Variants in CEP57 observed in about 807,000 individuals in gnomAD.
CEP57 encodes centrosomal protein 57.
A neutral mutation model predicts 68.0 loss-of-function variants in CEP57; 40 were observed. The observed-to-expected ratio is 0.59, with a 90% CI of 0.46 to 0.77. The LOEUF (loss-of-function observed/expected upper bound fraction) is 0.77, where lower values mean the gene tolerates loss of function less well. Among genes scored for constraint, CEP57 ranks in the 30% least tolerant of loss-of-function variants. The probability of loss-of-function intolerance (pLI) is 0.00; values close to 1 mark genes in which losing one functional copy is unlikely to be tolerated. For missense variants in CEP57, 606 were observed against 580.7 expected (o/e 1.04, Z -0.45); for synonymous variants, 219 against 198.7 (o/e 1.10, Z -0.86).
At position 95,817,830 on chromosome 11, in the gene CEP57, A is replaced by G; in HGVS notation, c.548A>G (p.Gln183Arg). 2 of 1,614,060 alleles carry G rather than the reference A, an allele frequency of 1.2e-6. No homozygotes were observed. The highest frequency in any genetic ancestry group is 1.7e-6 in the Non-Finnish European group (2 of 1,179,940). ...RERQHDQTHV[Q>R]SQLEKLDLLE... Reference sequence around the variant, plus strand: ...CGACAACATGATCAAACACATGTTCAGAGCCAACTTGAAAAATTGGATCTT... The same window carrying G: ...CGACAACATGATCAAACACATGTTCGGAGCCAACTTGAAAAATTGGATCTT... The change falls in exon 5 of 11, where the codon CAG becomes CGG. Residue 183 changes from glutamine (Q) to arginine (R), a missense_variant. Coordinates refer to ENST00000325542, the MANE Select transcript of CEP57 (RefSeq NM_014679.5).
At chr11:95,830,955 T>C in intron 10 of CEP57, 71 bp from the exon 11 acceptor site, 1 of 1,211,182 alleles carries the variant, frequency 8.3e-7, no homozygotes. Context: ...ACTCTTGTAC[T>C]TTTTGTTGTC....
rs569921493 is a variant in CEP57 at position 95,814,166 on chromosome 11, C to T, written c.504+577C>T. On this transcript the variant is annotated intron_variant, in intron 4 of 10. Transcript: ENST00000325542. ...CTCCTAGGCTCAGGTGATTCTCATG[C>T]CTCATCCTCCCGAGTAGCTGGGATT... Among the ~76,000 whole-genome samples the T allele has an allele frequency of 2.6e-4, 39 of 152,268 alleles. 1 individual carries two copies. In the East Asian group the frequency reaches 4.1e-3, roughly 16 times the overall value.
chr11:95,814,301 G>A (rs1862205377), intron 4 of CEP57, among the ~76,000 whole-genome samples: 2 of 151,616 alleles, frequency 1.3e-5, no homozygotes, highest in South Asian at 2.1e-4. Flanking sequence ...AGGCCGCCTC[G>A]GCCTCCCAAA....
intron 8 of CEP57, chr11:95,825,686 T>G (rs1862710244): frequency 6.7e-6 from 1 of 149,146 alleles, no homozygotes; most frequent in Non-Finnish European, 1.5e-5. Context: ...AACCTCTGCC[T>G]CCTGGGTTCA....
At chr11:95,811,520 G>T (rs1466098437) in intron 2 of CEP57, among the ~76,000 whole-genome samples, 1 of 151,192 alleles carries the variant, frequency 6.6e-6, no homozygotes, top group African/African-American at 2.4e-5. Flanking sequence ...CATGGCACAT[G>T]TATACATATG....
intron 2 of CEP57, 99 bp downstream of exon 2, chr11:95,799,487 T>G (rs1861484807): frequency 7.0e-7 from 1 of 1,427,084 alleles, no homozygotes; most frequent in Non-Finnish European, 9.8e-7. Flanking sequence ...GGAAAATATA[T>G]TTCCCCTTTG....
At chr11:95,818,946 C>G (rs375237035) in intron 6 of CEP57, 42 bp downstream of exon 6, 1 of 1,450,938 alleles carries the variant, frequency 6.9e-7, no homozygotes, top group Admixed American at 1.7e-5. Context: ...ATATTTCTTA[C>G]CGCTTTTTGT....
chr11:95,830,260 C>T (rs1862945867), intron 10 of CEP57, among the ~76,000 whole-genome samples: 1 of 152,138 alleles, frequency 6.6e-6, no homozygotes, highest in African/African-American at 2.4e-5. Flanking sequence ...GCCCAAGTAC[C>T]AGCTTACTGG....
At chr11:95,812,190 C>T (rs1251377881) in intron 2 of CEP57, among the ~76,000 whole-genome samples, 1 of 151,964 alleles carries the variant, frequency 6.6e-6, no homozygotes, top group South Asian at 2.1e-4. Flanking sequence ...TAGTTGGTTT[C>T]TACATGTGCT....
At position 95,813,498 on chromosome 11, in the gene CEP57, A is replaced by G. The variant is rs1462764700; in HGVS notation, c.413A>G (p.Asn138Ser). ...ELTSQLLAAE[N>S]KCNLLEKQLE... is the part of the protein sequence containing the mutation. ...ACATCTCAGTTGTTAGCTGCAGAAAATAAATGCAATCTATTAGAAAAACAA... is the reference window on the plus strand; with the variant it reads ...ACATCTCAGTTGTTAGCTGCAGAAAGTAAATGCAATCTATTAGAAAAACAA... Residue 138 changes from asparagine to serine, a missense_variant, in exon 4 of 11, where the codon AAT becomes AGT. Physicochemically the swap from Asn to Ser is conservative, Grantham distance 46. Transcript: ENST00000325542. 1 of 1,612,694 alleles carries G rather than the reference A, an allele frequency of 6.2e-7. No individual in the cohort carries two copies. Among genetic ancestry groups the G allele is most frequent in the Admixed American group, 1.7e-5 (1 of 60,000 alleles).
At chr11:95,796,216 T>C (rs545569691) in intron 1 of CEP57, among the ~76,000 whole-genome samples, 1 of 152,382 alleles carries the variant, frequency 6.6e-6, no homozygotes, top group African/African-American at 2.4e-5. Context: ...AAAAAGATGT[T>C]CAATAAATAT....
chr11:95,807,910 A>G (rs902884496), intron 2 of CEP57, among the ~76,000 whole-genome samples: 1 of 152,234 alleles, frequency 6.6e-6, no homozygotes, highest in African/African-American at 2.4e-5. Flanking sequence ...TCCAAGACAC[A>G]TAATTGTCAG....
rs1296895526 is a variant in CEP57 at position 95,790,503 on chromosome 11, T to A, written c.-196T>A. 12 of 618,268 alleles carry A rather than the reference T, an allele frequency of 1.9e-5. No individual in the cohort carries two copies. Among genetic ancestry groups the A allele is most frequent in the Admixed American group, 8.7e-5 (3 of 34,530 alleles). The allele number at this position is 618,268 out of a possible 1,614,324, so 38.3% of individuals were successfully genotyped here. A position where few individuals can be genotyped will look rare whatever the true frequency, so the allele number is the denominator to read the frequency against. ...GTCCGTTAGGACGTGTTGCCCTTTC[T>A]GTGTAAGCTGTGAGCGTAGGCGGCC... On this transcript the variant is annotated 5_prime_UTR_variant, in exon 1 of 11. Coordinates refer to ENST00000325542, the MANE Select transcript of CEP57 (RefSeq NM_014679.5).
chr11:95,812,473 G>A (rs1410196423), intron 2 of CEP57, among the ~76,000 whole-genome samples: 5 of 151,736 alleles, frequency 3.3e-5, no homozygotes, highest in Non-Finnish European at 7.4e-5. Flanking sequence ...GCCCAGGCTG[G>A]AGTGCAATGG....
At chr11:95,790,224 C>T (rs150572149), upstream of CEP57, 109 of 191,940 alleles carry the variant, frequency 5.7e-4, 2 homozygotes, top group Middle Eastern at 5.3e-3. Flanking sequence ...TCGTGGAGTG[C>T]TTTAACTTCG....
At chr11:95,795,847 G>A (rs1286260014) in intron 1 of CEP57, among the ~76,000 whole-genome samples, 1 of 151,974 alleles carries the variant, frequency 6.6e-6, no homozygotes, top group Non-Finnish European at 1.5e-5. Context: ...CTCAACATGT[G>A]TACACAAACT....
intron 2 of CEP57, among the ~76,000 whole-genome samples, chr11:95,811,744 A>G (rs911924112): frequency 7.9e-5 from 12 of 152,216 alleles, no homozygotes; most frequent in African/African-American, 1.2e-4. Flanking sequence ...AAATTAGCCA[A>G]TAACATATAT....
chr11:95,807,451 A>C (rs1413310946), intron 2 of CEP57, among the ~76,000 whole-genome samples: 1 of 152,206 alleles, frequency 6.6e-6, no homozygotes, highest in African/African-American at 2.4e-5. Context: ...AACCCATTGC[A>C]AAGAAGCTAA....
chr11:95,799,444 C>G (rs1427384637), intron 2 of CEP57, 56 bp downstream of exon 2: 5 of 1,601,640 alleles, frequency 3.1e-6, no homozygotes, highest in Non-Finnish European at 1.7e-6. Context: ...CTTTAAAATT[C>G]TTAACTTTGT....
Sources: gnomAD v4.1 joint callset for allele counts (sites outside exome capture counted in the v4.1 genomes callset) on GRCh38, gnomAD v4.1.1 for gene constraint, MANE v1.5 for transcripts, NCBI Gene and HGNC (gene_info 2026-07-23, HGNC 2026-07-21) for gene names.